The following IL1RAPL2 variants were observed in gnomAD, a reference collection of about 807,000 sequenced individuals.
The protein encoded by IL1RAPL2 is X-linked interleukin-1 receptor accessory protein-like 2.
IL1RAPL2 carries 3 observed loss-of-function variants against 44.1 expected under a neutral mutation model. The ratio of observed to expected loss-of-function variants is 0.07; its 90% CI spans 0.03 to 0.18. IL1RAPL2 has a LOEUF of 0.18. Ranked by LOEUF, IL1RAPL2 falls within the 10% of genes least tolerant of loss-of-function variation. IL1RAPL2 has a pLI of 1.00. For missense variants in IL1RAPL2, 391 were observed against 496.4 expected (o/e 0.79, Z 2.02); for synonymous variants, 181 against 178.8 (o/e 1.01, Z -0.10).
chrX:105,508,495 A>G (rs1037476892), intron 6 of IL1RAPL2, among the ~76,000 whole-genome samples: 1 of 110,243 alleles, frequency 9.1e-6, no homozygotes, highest in African/African-American at 3.3e-5. Context: ...TTGCCTCCAT[A>G]CTGCTACTTG....
intron 6 of IL1RAPL2, among the ~76,000 whole-genome samples, chrX:105,698,189 C>A (rs944156995): frequency 2.7e-5 from 3 of 111,115 alleles, no homozygotes; most frequent in Non-Finnish European, 5.7e-5. Context: ...TCATTATCAT[C>A]ATTATTATTA....
intron 3 of IL1RAPL2, among the ~76,000 whole-genome samples, chrX:105,223,573 G>A (rs1400482292): frequency 6.3e-5 from 7 of 111,752 alleles, no homozygotes; most frequent in Non-Finnish European, 1.3e-4. Flanking sequence ...ACACTTTTAA[G>A]AAATTAAAAG....
intron 6 of IL1RAPL2, among the ~76,000 whole-genome samples, chrX:105,501,223 G>A (rs927535119): frequency 1.8e-4 from 20 of 111,715 alleles, no homozygotes; most frequent in African/African-American, 5.9e-4. Flanking sequence ...ATTTCAGATG[G>A]TTGGCAACTT....
intron 5 of IL1RAPL2, among the ~76,000 whole-genome samples, chrX:105,422,377 C>A (rs895273782): frequency 4.5e-5 from 5 of 111,469 alleles, no homozygotes; most frequent in Admixed American, 1.9e-4. Flanking sequence ...TCAGTTTTCC[C>A]AAGGGGCTTT....
At chrX:105,045,872 T>A (rs1285277724) in intron 2 of IL1RAPL2, among the ~76,000 whole-genome samples, 1 of 111,505 alleles carries the variant, frequency 9.0e-6, no homozygotes, top group East Asian at 2.8e-4. Context: ...ACTGCTTGAC[T>A]TTTTAAAGTA....
intron 2 of IL1RAPL2, among the ~76,000 whole-genome samples, chrX:104,676,914 C>T (rs772496679): frequency 8.9e-6 from 1 of 111,990 alleles, no homozygotes; most frequent in African/African-American, 3.2e-5. Context: ...CTTCTGCATT[C>T]TTCACGTAGT....
intron 2 of IL1RAPL2, among the ~76,000 whole-genome samples, chrX:105,191,901 A>G (rs1352694645): frequency 9.0e-6 from 1 of 111,717 alleles, no homozygotes; most frequent in East Asian, 2.8e-4. Flanking sequence ...TCAGGGAGAT[A>G]CAGTTATCAA....
intron 2 of IL1RAPL2, among the ~76,000 whole-genome samples, chrX:105,115,122 G>T: frequency 9.0e-6 from 1 of 111,195 alleles, no homozygotes; most frequent in Middle Eastern, 4.7e-3. Flanking sequence ...TGGTGTGTCT[G>T]GGGTTTGTTC....
intron 2 of IL1RAPL2, among the ~76,000 whole-genome samples, chrX:104,853,036 G>T (rs991881460): frequency 8.9e-6 from 1 of 111,744 alleles, no homozygotes; most frequent in African/African-American, 3.3e-5. Flanking sequence ...ATCCCCTTTG[G>T]TTTAAAGTCT....
chrX:105,200,905 C>T lies in IL1RAPL2; in HGVS notation c.356+5157C>T, dbSNP rs916163773. Among the ~76,000 whole-genome samples, 84 of 108,290 alleles carry T rather than the reference C, an allele frequency of 7.8e-4. 1 individual carries two copies. The highest frequency in any genetic ancestry group is 2.6e-3 in the African/African-American group (76 of 28,704). The allele number at this position is 108,290 out of a possible 115,157, so 94.0% of individuals were successfully genotyped here. On this transcript the variant is annotated intron_variant, in intron 3 of 10. Coordinates refer to ENST00000372582, the MANE Select transcript of IL1RAPL2 (RefSeq NM_017416.2). The stretch of plus-strand genomic sequence containing the variant: ...CAGTCTGGGTGACAGAGTGAGACTC[C>T]GTTTCACACCCACACACACACACAC...
At chrX:104,761,559 C>T (rs1226920607) in intron 2 of IL1RAPL2, among the ~76,000 whole-genome samples, 1 of 111,117 alleles carries the variant, frequency 9.0e-6, no homozygotes, top group Non-Finnish European at 1.9e-5. Context: ...CCAACAGTCC[C>T]CCAAAGTCTT....
intron 2 of IL1RAPL2, among the ~76,000 whole-genome samples, chrX:104,743,186 G>A (rs1025968613): frequency 9.0e-6 from 1 of 110,666 alleles, no homozygotes. Flanking sequence ...TCTTTACTCC[G>A]AGTGCTTCTT....
At chrX:104,877,568 A>G (rs1194022073) in intron 2 of IL1RAPL2, among the ~76,000 whole-genome samples, 1 of 112,556 alleles carries the variant, frequency 8.9e-6, no homozygotes, top group Non-Finnish European at 1.9e-5. Flanking sequence ...AGATTTTTGC[A>G]TGTCACTTTT....
At chrX:105,597,740 A>T (rs1400410969) in intron 6 of IL1RAPL2, among the ~76,000 whole-genome samples, 3 of 111,835 alleles carry the variant, frequency 2.7e-5, no homozygotes, top group African/African-American at 6.5e-5. Context: ...ACAGTTGAAG[A>T]TGTGATTTGG....
chrX:104,802,491 A>G (rs1173660156), intron 2 of IL1RAPL2, among the ~76,000 whole-genome samples: 1 of 111,258 alleles, frequency 9.0e-6, no homozygotes, highest in Non-Finnish European at 1.9e-5. Flanking sequence ...GAAATAATAT[A>G]TTTAATAAAT....
At chrX:105,185,393 C>T (rs1294404995) in intron 2 of IL1RAPL2, among the ~76,000 whole-genome samples, 1 of 111,892 alleles carries the variant, frequency 8.9e-6, no homozygotes, top group Non-Finnish European at 1.9e-5. Flanking sequence ...TCTCTGTTAA[C>T]ATTGAAATTT....
chrX:104,816,085 A>G (rs1448454041), intron 2 of IL1RAPL2, among the ~76,000 whole-genome samples: 2 of 111,257 alleles, frequency 1.8e-5, no homozygotes, highest in African/African-American at 3.3e-5. Context: ...TTCTGTTTCT[A>G]ATTCTACTTC....
intron 6 of IL1RAPL2, among the ~76,000 whole-genome samples, chrX:105,679,096 C>T (rs374273017): frequency 1.8e-5 from 2 of 108,260 alleles, no homozygotes; most frequent in East Asian, 5.9e-4. Context: ...AGCTTCTAAT[C>T]CCCTAGACTT....
intron 2 of IL1RAPL2, among the ~76,000 whole-genome samples, chrX:104,864,744 T>C (rs1922573897): frequency 9.0e-6 from 1 of 111,691 alleles, no homozygotes. Context: ...CTGAGTTTTC[T>C]GGCATGCATC....
Sources: allele counts gnomAD v4.1 joint callset (sites outside exome capture counted in the v4.1 genomes callset), GRCh38; gene constraint gnomAD v4.1.1; transcripts MANE v1.5; gene names NCBI Gene and HGNC (gene_info 2026-07-23, HGNC 2026-07-21).